The following PTPRN variants were observed in gnomAD, a reference collection of about 807,000 sequenced individuals.
The protein encoded by PTPRN is protein tyrosine phosphatase receptor type N.
In PTPRN, 70 loss-of-function variants were observed where a neutral mutation model predicts 108.5. That is an observed-to-expected ratio of 0.65 (90% confidence interval 0.53 to 0.79). PTPRN has a LOEUF of 0.79. Ranked by LOEUF, PTPRN falls within the 30% of genes least tolerant of loss-of-function variation. The pLI, the probability that PTPRN is intolerant of heterozygous loss-of-function variation, is 0.00. For synonymous variants in PTPRN, 496 were observed against 524.6 expected, an observed-to-expected ratio of 0.95 and a Z score of 0.75; for missense variants, 1,136 against 1,295.5, an observed-to-expected ratio of 0.88 and a Z score of 1.89.
chr2:219,303,778 G>T lies in PTPRN; in HGVS notation c.334C>A (p.Arg112Ser). 6.2e-7 allele frequency: 1 copy of T among 1,614,100 alleles called. No homozygotes were observed. Among genetic ancestry groups the T allele is most frequent in the South Asian group, 1.1e-5 (1 of 91,078 alleles). Residue 112 changes from arginine to serine, a missense_variant, in exon 4 of 23, where the codon CGC (arginine) becomes AGC (serine). Arg to Ser is a moderately radical substitution (Grantham distance 110, BLOSUM62 -1). Coordinates refer to ENST00000295718, the MANE Select transcript of PTPRN (RefSeq NM_002846.4). ...TQYVISQEMERIPRLRPPEPR... is the reference protein window; with the variant it reads ...TQYVISQEMESIPRLRPPEPR... ...TCTGGGGGGCGAAGCCTGGGGATGCGCTCCATCTCCTGAGAGATCACATAC... is the reference window on the plus strand; with the variant it reads ...TCTGGGGGGCGAAGCCTGGGGATGCTCTCCATCTCCTGAGAGATCACATAC...
At chr2:219,301,564 C>G (rs772521632) in intron 7 of PTPRN, 24 bp downstream of exon 7, 28 of 1,594,412 alleles carry the variant, frequency 1.8e-5, no homozygotes, top group Non-Finnish European at 2.4e-5. Flanking sequence ...AGATATTGGT[C>G]CCTCCCTCTG....
chr2:219,298,942 TACGGAC>T (rs1952271675), intron 12 of PTPRN, 99 bp downstream of exon 12: 1 of 1,374,178 alleles, frequency 7.3e-7, no homozygotes, highest in East Asian at 2.3e-5. Context: ...CAGCCGTGCC[TACGGAC>T]ACGTTTCGGC....
In PTPRN at chr2:219,291,460, C is replaced by T. The variant is rs1559292058; in HGVS notation, c.2729+10G>A. ...GTGGGACCAGAGAGATGAATCTCCT[C>T]TCCACCCACCTGCAGTGCACGATGA... On this transcript the variant is annotated intron_variant, in intron 20 of 22. Coordinates refer to ENST00000295718, the MANE Select transcript of PTPRN (RefSeq NM_002846.4). 2 of 1,613,606 alleles carry T rather than the reference C, an allele frequency of 1.2e-6. No individual in the cohort carries two copies. The highest frequency in any genetic ancestry group is 1.7e-6 in the Non-Finnish European group (2 of 1,179,564).
rs1477850283 is a variant in PTPRN, at chr2:219,290,834, A to C, written c.2786T>G (p.Met929Arg). ...GTGGGGAAGCTCCCTACCTTTTGCCATGCGGTTCAGGACCATGTCGATGAG... is the reference window on the plus strand; with the variant it reads ...GTGGGGAAGCTCCCTACCTTTTGCCCTGCGGTTCAGGACCATGTCGATGAG... ...YILIDMVLNR[M>R]AKGVKEIDIA... The change falls in exon 21 of 23, where the codon ATG becomes AGG. Residue 929 changes from methionine to arginine, a missense_variant. Met to Arg is a moderately conservative substitution (Grantham distance 91). Coordinates refer to ENST00000295718, the MANE Select transcript of PTPRN (RefSeq NM_002846.4). The surrounding 1 kb of genome is among the most constrained non-coding windows in gnomAD (Gnocchi z 4.2). 6.2e-7 allele frequency: 1 copy of C among 1,614,068 alleles called. No homozygotes were observed. The highest frequency in any genetic ancestry group is 8.5e-7 in the Non-Finnish European group (1 of 1,179,970).
intron 6 of PTPRN, 46 bp downstream of exon 6, chr2:219,302,091 C>T (rs770221458): frequency 6.7e-7 from 1 of 1,497,400 alleles, no homozygotes; most frequent in Admixed American, 2.1e-5. Context: ...CCATGGTTCC[C>T]CCAAAGCAGC....
intron 8 of PTPRN, 26 bp from the exon 9 acceptor site, chr2:219,300,285 G>A (rs1389015222): frequency 1.3e-6 from 2 of 1,530,330 alleles, no homozygotes; most frequent in East Asian, 4.5e-5. Flanking sequence ...TGGAGGTGTG[G>A]CCTCTGGACA....
intron 6 of PTPRN, 60 bp downstream of exon 6, chr2:219,302,077 C>G: frequency 7.0e-7 from 1 of 1,421,910 alleles, no homozygotes; most frequent in Admixed American, 2.2e-5. Flanking sequence ...AGGGAAGGGC[C>G]CCACCATGGT....
chr2:219,308,066 C>T (rs891966386), intron 1 of PTPRN: 1 of 561,528 alleles, frequency 1.8e-6, no homozygotes, highest in African/African-American at 1.9e-5. Flanking sequence ...TTAAAAGCCT[C>T]TGTTTGCTTA....
chr2:219,291,586 A>G (rs1481369603), intron 19 of PTPRN, 63 bp from the exon 20 acceptor site: 14 of 1,498,826 alleles, frequency 9.3e-6, no homozygotes, highest in Non-Finnish European at 1.3e-5. Flanking sequence ...GGAAGCTGAA[A>G]CACATGACGT....
Position 219,297,833 on chromosome 2 carries a change from C to T in PTPRN, c.1887+52G>A. 1.3e-6 allele frequency: 2 copies of T among 1,536,634 alleles called. No homozygotes were observed. Among genetic ancestry groups the T allele is most frequent in the Non-Finnish European group, 1.8e-6 (2 of 1,137,414 alleles). On this transcript the variant is annotated intron_variant, in intron 13 of 22. Transcript: ENST00000295718. This position sits in a 1 kb window ranked among gnomAD's most constrained non-coding sequence, Gnocchi z 6.0. ...ACCCTTAGTCCACGCAAGACCCAGA[C>T]TCCCAGGCCCCTTGCATTTCCTTTG...
chr2:219,289,890 T>G lies in PTPRN; in HGVS notation c.*336A>C. 3.4e-6 allele frequency: 1 copy of G among 293,176 alleles called. No homozygotes were observed. Among genetic ancestry groups the G allele is most frequent in the Non-Finnish European group, 6.6e-6 (1 of 151,326 alleles). 18.2% of individuals were successfully genotyped at this position (293,176 alleles called of 1,614,324 possible). On this transcript the variant is annotated 3_prime_UTR_variant, in exon 23 of 23. Transcript: ENST00000295718. Reference sequence around the variant, plus strand: ...GAGCATAGGGGGACACACACAGATGTTCAGGGAACTCCCAGAACCCCAGGA... The same window carrying G: ...GAGCATAGGGGGACACACACAGATGGTCAGGGAACTCCCAGAACCCCAGGA...
rs543315771 is a variant in PTPRN, at chr2:219,290,446, A to G, written c.2868+92T>C. 231 of 1,414,296 alleles carry G rather than the reference A, an allele frequency of 1.6e-4. No homozygotes were observed. In the African/African-American group the frequency reaches 2.8e-3, roughly 17 times the overall value. 87.6% of individuals were successfully genotyped at this position (1,414,296 alleles called of 1,614,324 possible). On this transcript the variant is annotated intron_variant, in intron 22 of 22. Coordinates refer to ENST00000295718, the MANE Select transcript of PTPRN (RefSeq NM_002846.4). This position sits in a 1 kb window ranked among gnomAD's most constrained non-coding sequence, Gnocchi z 4.2. ...GGAGGAGGCGCAGAAGCAGGTGGGAAAGGTTGGCAGCTGCTGCTTTCCCTG... is the reference window on the plus strand; with the variant it reads ...GGAGGAGGCGCAGAAGCAGGTGGGAGAGGTTGGCAGCTGCTGCTTTCCCTG...
chr2:219,292,953 A>C (rs1021401749), intron 19 of PTPRN: 1 of 152,178 alleles, frequency 6.6e-6, no homozygotes, highest in African/African-American at 2.4e-5. Flanking sequence ...TTCATCCTCA[A>C]ACCACCCCCT....
chr2:219,299,519 G>A (rs1559299690), intron 10 of PTPRN, 135 bp from the exon 11 acceptor site: 2 of 1,180,984 alleles, frequency 1.7e-6, no homozygotes, highest in Non-Finnish European at 2.5e-6. Flanking sequence ...GGCATCTTAG[G>A]CAAGGAAGAT....
At position 219,290,809 on chromosome 2, in the gene PTPRN, G is replaced by A. The variant is rs377428648; in HGVS notation, c.2794+17C>T. On this transcript the variant is annotated intron_variant, in intron 21 of 22. Transcript: ENST00000295718. The surrounding 1 kb of genome is among the most constrained non-coding windows in gnomAD (Gnocchi z 4.2). ...AAAGGGCCTGGGGGCTGCGGGCACC[G>A]TGGGGAAGCTCCCTACCTTTTGCCA... 4.7e-5 allele frequency: 76 copies of A among 1,613,042 alleles called. No homozygotes were observed. The highest frequency in any genetic ancestry group is 1.5e-4 in the South Asian group (14 of 91,048).
Position 219,309,023 on chromosome 2 carries a change from A to G in PTPRN, c.115+195T>C, listed in dbSNP as rs560027176. On this transcript the variant is annotated intron_variant, in intron 1 of 22. Transcript: ENST00000295718. The stretch of plus-strand genomic sequence containing the variant: ...CAATTCTCTTAGGTCCCGCCCCCGT[A>G]TTCCCAGCCCCACCTCCAGGCCTAC... 1.1e-5 allele frequency: 17 copies of G among 1,479,480 alleles called. No homozygotes were observed. The East Asian group carries it at 4.8e-4, about 41-fold the overall frequency. The allele number at this position is 1,479,480 out of a possible 1,614,324, so 91.6% of individuals were successfully genotyped here. A position where few individuals can be genotyped will look rare whatever the true frequency, so the allele number is the denominator to read the frequency against.
Position 219,290,689 on chromosome 2 carries a change from G to T in PTPRN, c.2795-78C>A. 1 of 1,482,404 alleles carries T rather than the reference G, an allele frequency of 6.7e-7. No homozygotes were observed. Among genetic ancestry groups the T allele is most frequent in the Non-Finnish European group, 9.3e-7 (1 of 1,078,716 alleles). 91.8% of individuals were successfully genotyped at this position (1,482,404 alleles called of 1,614,324 possible). A position where few individuals can be genotyped will look rare whatever the true frequency, so the allele number is the denominator to read the frequency against. ...GGACCCAGAAAACCTGAGGCCTCCT[G>T]GAGGCAAAGAGCCTTGGAGGGCTGG... On this transcript the variant is annotated intron_variant, in intron 21 of 22. Transcript: ENST00000295718. This position sits in a 1 kb window ranked among gnomAD's most constrained non-coding sequence, Gnocchi z 4.2.
Position 219,296,741 on chromosome 2 carries a change from C to A in PTPRN, c.2310+8G>T, listed in dbSNP as rs1337399504. ...GCAGAGGTGGGGGCTGGAGTCAGGGCCACTCACAATGGGGCTGGCGTTGAT... is the reference window on the plus strand; with the variant it reads ...GCAGAGGTGGGGGCTGGAGTCAGGGACACTCACAATGGGGCTGGCGTTGAT... On this transcript the variant is annotated splice_region_variant and intron_variant, in intron 16 of 22. Coordinates refer to ENST00000295718, the MANE Select transcript of PTPRN (RefSeq NM_002846.4). The surrounding 1 kb of genome is among the most constrained non-coding windows in gnomAD (Gnocchi z 6.0). 6.2e-7 allele frequency: 1 copy of A among 1,613,600 alleles called. No homozygotes were observed. The highest frequency in any genetic ancestry group is 8.5e-7 in the Non-Finnish European group (1 of 1,179,802).
In PTPRN at chr2:219,307,811, G is replaced by A. The variant is rs1370583291; in HGVS notation, c.147C>T (p.His49=). 1.2e-6 allele frequency: 2 copies of A among 1,614,156 alleles called. No homozygotes were observed. Among genetic ancestry groups the A allele is most frequent in the South Asian group, 1.1e-5 (1 of 91,080 alleles). Residue 49 remains histidine (H), a synonymous_variant, in exon 2 of 23, where the codon CAC becomes CAT. Transcript: ENST00000295718. ...ACTCACCCTGAATACAGACTTCCAG[G>A]TGAGAGCAGAGCCTGCGGTCAAATA... ...GCLFDRRLCS[H]LEVCIQDGLF... is the part of the protein sequence containing the mutation.
Sources: allele counts gnomAD v4.1 joint callset, GRCh38; gene constraint gnomAD v4.1.1; non-coding constraint Gnocchi (gnomAD v3.1); transcripts MANE v1.5; gene names NCBI Gene and HGNC (gene_info 2026-07-23, HGNC 2026-07-21).